ERO1A: variants seen among roughly 807,000 people sequenced by gnomAD.
ERO1A encodes the protein ERO1-like protein alpha.
ERO1A carries 49 observed loss-of-function variants against 76.9 expected under a neutral mutation model. That is an observed-to-expected ratio of 0.64 (90% CI 0.51 to 0.81). The LOEUF (loss-of-function observed/expected upper bound fraction) is 0.81. ERO1A is among the 30% of genes least tolerant of loss of function. The pLI is 0.00. For missense variants in ERO1A, 448 were observed against 542.1 expected (o/e 0.83, Z 1.72); for synonymous variants, 174 against 181.2 (o/e 0.96, Z 0.32).
intron 4 of ERO1A, among the ~76,000 whole-genome samples, chr14:52,674,442 T>C (rs1317100730): frequency 6.6e-6 from 1 of 152,154 alleles, no homozygotes; most frequent in Non-Finnish European, 1.5e-5. Flanking sequence ...CAAGCAATCC[T>C]CACATGGTGG....
In ERO1A at chr14:52,682,446, G is replaced by A. The variant is rs759771257; in HGVS notation, c.235-38C>T. 1.9e-5 allele frequency: 28 copies of A among 1,445,930 alleles called. No homozygotes were observed. The Admixed American group carries it at 5.2e-4, about 27-fold the overall frequency. 89.6% of individuals were successfully genotyped at this position (1,445,930 alleles called of 1,614,324 possible). A position where few individuals can be genotyped will look rare whatever the true frequency, so the allele number is the denominator to read the frequency against. ...AATAGAAAAAAAATTATAAAAATCA[G>A]AATCCCAAAATTATAATTGACAGTT... On this transcript the variant is annotated intron_variant, in intron 2 of 15. Transcript: ENST00000395686.
Position 52,643,471 on chromosome 14 carries a change from A to ATGTT in ERO1A, c.*95_*98dup. The ATGTT allele has an allele frequency of 1.4e-6, 1 of 730,262 alleles. No homozygotes were observed. The highest frequency in any genetic ancestry group is 3.3e-5 in the East Asian group (1 of 30,200). The allele number at this position is 730,262 out of a possible 1,614,324, so 45.2% of individuals were successfully genotyped here. ...CTTTACAAAAGCAACTTTATATAAA[A>ATGTT]TGTTTGGCTTAAGACTGTCATTGCT... On this transcript the variant is annotated 3_prime_UTR_variant, in exon 16 of 16. Transcript: ENST00000395686.
chr14:52,694,534 T>C (rs1463037856), intron 1 of ERO1A, among the ~76,000 whole-genome samples: 1 of 152,142 alleles, frequency 6.6e-6, no homozygotes, highest in Non-Finnish European at 1.5e-5. Context: ...TGCCTAACCC[T>C]TAATTTTGTA....
intron 6 of ERO1A, among the ~76,000 whole-genome samples, chr14:52,668,102 T>C (rs2040472407): frequency 6.6e-6 from 1 of 152,008 alleles, no homozygotes; most frequent in African/African-American, 2.4e-5. Context: ...TTAAAATAAC[T>C]AGAAAAACAA....
At position 52,640,066 on chromosome 14, in the gene ERO1A, CAACA is replaced by C. The variant is rs1276700154; in HGVS notation, c.*3500_*3503del. The C allele has an allele frequency of 1.3e-5, 2 of 152,162 alleles. No individual in the cohort carries two copies. The highest frequency in any genetic ancestry group is 2.9e-5 in the Non-Finnish European group (2 of 68,028). The allele number at this position is 152,162 out of a possible 1,614,324, so 9.4% of individuals were successfully genotyped here. ...GATGTCACTTTAAAATCAATTTATT[CAACA>C]AACATTTATTAAACATTCATATGCC... On this transcript the variant is annotated 3_prime_UTR_variant, in exon 16 of 16. Transcript: ENST00000395686.
At chr14:52,687,722 G>C (rs1220131527) in intron 1 of ERO1A, among the ~76,000 whole-genome samples, 1 of 152,200 alleles carries the variant, frequency 6.6e-6, no homozygotes, top group African/African-American at 2.4e-5. Flanking sequence ...ATGCTAATGT[G>C]TTTTAAAGGT....
intron 6 of ERO1A, among the ~76,000 whole-genome samples, chr14:52,669,533 T>C (rs1413639057): frequency 1.3e-5 from 2 of 152,174 alleles, no homozygotes; most frequent in Admixed American, 6.5e-5. Flanking sequence ...CCTGGGACCA[T>C]GCGTGTCTCG....
Position 52,646,416 on chromosome 14 carries a change from A to T in ERO1A, c.1171T>A (p.Cys391Ser). 6.2e-7 allele frequency: 1 copy of T among 1,612,886 alleles called. No homozygotes were observed. The change falls in exon 14 of 16, where the codon TGT (cysteine) becomes AGT (serine). Residue 391 changes from cysteine (C) to serine (S), a missense_variant. Coordinates refer to ENST00000395686, the MANE Select transcript of ERO1A (RefSeq NM_014584.3). The stretch of plus-strand genomic sequence containing the variant: ...AGACGACATTTAAAACAACCAACAC[A>T]ATCCATAATTCTTGAAATATTTCTA... ...HFRNISRIMD[C>S]VGCFKCRLWG...
rs538942895 is a variant in ERO1A, at chr14:52,671,406, C to G, written c.508+224G>C. ...TTAGGTTTTTGAAGAACCGCCAAAC[C>G]GTTAGAAACTGAGTTTTTTTCTTTA... On this transcript the variant is annotated intron_variant, in intron 6 of 15. Transcript: ENST00000395686. Among the ~76,000 whole-genome samples, 11 of 152,072 alleles carry G rather than the reference C, an allele frequency of 7.2e-5. No individual in the cohort carries two copies. The East Asian group carries it at 2.1e-3, about 29-fold the overall frequency.
Position 52,641,631 on chromosome 14 carries a change from AAAAG to A in ERO1A, c.*1935_*1938del, listed in dbSNP as rs911851207. ...TCCGTCTCCAAAAAATAAAAATAAA[AAAAG>A]GAAGGGAAGCATAAGATGAGAGAGA... On this transcript the variant is annotated 3_prime_UTR_variant, in exon 16 of 16. Coordinates refer to ENST00000395686, the MANE Select transcript of ERO1A (RefSeq NM_014584.3). 6.6e-6 allele frequency: 1 copy of A among 152,068 alleles called. No individual in the cohort carries two copies. The highest frequency in any genetic ancestry group is 2.4e-5 in the African/African-American group (1 of 41,358). The allele number at this position is 152,068 out of a possible 1,614,324, so 9.4% of individuals were successfully genotyped here.
intron 9 of ERO1A, among the ~76,000 whole-genome samples, chr14:52,659,855 A>G (rs1008685487): frequency 4.6e-5 from 7 of 151,166 alleles, no homozygotes; most frequent in African/African-American, 1.7e-4. Context: ...AAAAGAAAAA[A>G]GACAGTCTTG....
intron 1 of ERO1A, among the ~76,000 whole-genome samples, chr14:52,695,118 A>G (rs2041505748): frequency 6.6e-6 from 1 of 152,180 alleles, no homozygotes; most frequent in South Asian, 2.1e-4. Context: ...AAACCCACTC[A>G]ACCGCGTGCA....
chr14:52,647,182 A>C (rs1391717572), intron 13 of ERO1A: 4 of 57,994 alleles, frequency 6.9e-5, no homozygotes, highest in Non-Finnish European at 1.2e-4. Flanking sequence ...TTTTTTTTTT[A>C]GTAGAGGCAG....
At chr14:52,659,414 G>A (rs1212380475) in intron 9 of ERO1A, among the ~76,000 whole-genome samples, 1 of 152,086 alleles carries the variant, frequency 6.6e-6, no homozygotes, top group Admixed American at 6.6e-5. Context: ...ATATCAAAAT[G>A]TTAGCAGAGA....
At chr14:52,664,093 G>A in intron 7 of ERO1A, 1 of 305,914 alleles carries the variant, frequency 3.3e-6, no homozygotes. Context: ...TCAAACAAAA[G>A]AAGAGAAAAT....
intron 6 of ERO1A, among the ~76,000 whole-genome samples, chr14:52,667,864 T>C (rs2040463065): frequency 6.6e-6 from 1 of 151,836 alleles, no homozygotes; most frequent in Admixed American, 6.6e-5. Flanking sequence ...GCAACCAAAG[T>C]CAATAACAAA....
intron 1 of ERO1A, among the ~76,000 whole-genome samples, chr14:52,685,936 A>C (rs947765435): frequency 1.3e-5 from 2 of 152,204 alleles, no homozygotes; most frequent in Non-Finnish European, 2.9e-5. Context: ...GTAGATGCTC[A>C]ATAATTATTT....
Position 52,663,873 on chromosome 14 carries a change from T to G in ERO1A, c.630-26A>C, listed in dbSNP as rs138294632. ...CTAGAAGTAAAAAGAATTAAAAATATCAACACAAATATGTTACCAATCATG... is the reference window on the plus strand; with the variant it reads ...CTAGAAGTAAAAAGAATTAAAAATAGCAACACAAATATGTTACCAATCATG... On this transcript the variant is annotated intron_variant, in intron 7 of 15. Transcript: ENST00000395686. The G allele has an allele frequency of 1.2e-3, 1,592 of 1,328,236 alleles. 16 individuals carry two copies. The African/African-American group carries it at 0.019, about 16-fold the overall frequency. 82.3% of individuals were successfully genotyped at this position (1,328,236 alleles called of 1,614,324 possible). A position where few individuals can be genotyped will look rare whatever the true frequency, so the allele number is the denominator to read the frequency against.
At chr14:52,657,864 A>G (rs1462400130) in intron 11 of ERO1A, 53 bp downstream of exon 11, 2 of 1,298,262 alleles carry the variant, frequency 1.5e-6, no homozygotes, top group Non-Finnish European at 1.1e-6. Context: ...GGAAAATTTT[A>G]AGAATATCTA....
Sources: gnomAD v4.1 joint callset for allele counts (sites outside exome capture counted in the v4.1 genomes callset) on GRCh38, gnomAD v4.1.1 for gene constraint, MANE v1.5 for transcripts, NCBI Gene and HGNC (gene_info 2026-07-23, HGNC 2026-07-21) for gene names.